PIGW: variants seen among roughly 807,000 people sequenced by gnomAD.
PIGW encodes phosphatidylinositol glycan anchor biosynthesis class W, also known as glucosaminyl-phosphatidylinositol-acyltransferase PIGW.
A neutral mutation model predicts 34.0 loss-of-function variants in PIGW; 23 were observed. The observed-to-expected ratio is 0.68, with a 90% CI of 0.49 to 0.96. The LOEUF is 0.96. Among genes scored for constraint, PIGW ranks in the 40% least tolerant of loss-of-function variants. The pLI, the probability that PIGW is intolerant of heterozygous loss-of-function variation, is 0.00. For synonymous variants in PIGW, 225 were observed against 225.2 expected, an observed-to-expected ratio of 1.00 and a Z score of 0.01; for missense variants, 574 against 586.3, an observed-to-expected ratio of 0.98 and a Z score of 0.22.
At position 36,538,206 on chromosome 17, in the gene PIGW, G is replaced by A; in HGVS notation, c.1105G>A (p.Ala369Thr). ...VNVEAVSRRM[A>T]NLAFCIWIVA... Reference sequence around the variant, plus strand: ...TGTAGAAGCAGTATCTCGAAGAATGGCAAATTTAGCCTTTTGTATTTGGAT... The same window carrying A: ...TGTAGAAGCAGTATCTCGAAGAATGACAAATTTAGCCTTTTGTATTTGGAT... Residue 369 changes from alanine to threonine, a missense_variant, in exon 2 of 2, where the codon GCA becomes ACA. Ala to Thr is a moderately conservative substitution (Grantham distance 58). Transcript: ENST00000614443. 1.2e-6 allele frequency: 2 copies of A among 1,613,092 alleles called. No homozygotes were observed. Among genetic ancestry groups the A allele is most frequent in the Non-Finnish European group, 1.7e-6 (2 of 1,180,002 alleles).
chr17:36,538,497 G>A lies in PIGW; in HGVS notation c.1396G>A (p.Val466Ile), dbSNP rs2074174413. ...NITTGLINLM[V>I]DTLHSSTLWA... Reference sequence around the variant, plus strand: ...AACAACTGGCCTGATCAACCTGATGGTAGATACATTACACAGCAGTACCTT... The same window carrying A: ...AACAACTGGCCTGATCAACCTGATGATAGATACATTACACAGCAGTACCTT... The change falls in exon 2 of 2, where the codon GTA becomes ATA. Residue 466 changes from valine to isoleucine, a missense_variant. Physicochemically the swap from Val to Ile is conservative, Grantham distance 29 (BLOSUM62 3). Coordinates refer to ENST00000614443, the MANE Select transcript of PIGW (RefSeq NM_001346754.2). 1 of 1,613,942 alleles carries A rather than the reference G, an allele frequency of 6.2e-7. No homozygotes were observed. Among genetic ancestry groups the A allele is most frequent in the Admixed American group, 1.7e-5 (1 of 60,004 alleles).
Position 36,538,203 on chromosome 17 carries a change from A to G in PIGW, c.1102A>G (p.Met368Val), listed in dbSNP as rs771651360. The change falls in exon 2 of 2, where the codon ATG becomes GTG. Residue 368 changes from methionine to valine, a missense_variant. By Grantham distance (21) the Met-to-Val change is conservative. Coordinates refer to ENST00000614443, the MANE Select transcript of PIGW (RefSeq NM_001346754.2). ...AAATGTAGAAGCAGTATCTCGAAGA[A>G]TGGCAAATTTAGCCTTTTGTATTTG... ...QVNVEAVSRR[M>V]ANLAFCIWIV... The G allele has an allele frequency of 6.2e-7, 1 of 1,613,390 alleles. No individual in the cohort carries two copies. Among genetic ancestry groups the G allele is most frequent in the Non-Finnish European group, 8.5e-7 (1 of 1,180,018 alleles).
In PIGW at chr17:36,538,259, T is replaced by C. The variant is rs1156596709; in HGVS notation, c.1158T>C (p.Ser386=). 1 of 1,613,392 alleles carries C rather than the reference T, an allele frequency of 6.2e-7. No individual in the cohort carries two copies. Among genetic ancestry groups the C allele is most frequent in the Admixed American group, 1.7e-5 (1 of 60,022 alleles). ...TTGCTTCTAGCCTGATCCTTCTTAG[T>C]AGTTTATTACTGGGTGATATAATTT... ...WIVASSLILL[S]SLLLGDIILS... The change falls in exon 2 of 2, where the codon AGT becomes AGC. Residue 386 remains serine, a synonymous_variant. Coordinates refer to ENST00000614443, the MANE Select transcript of PIGW (RefSeq NM_001346754.2).
At position 36,539,140 on chromosome 17, in the gene PIGW, T is replaced by G. The variant is rs969091163; in HGVS notation, c.*524T>G. On this transcript the variant is annotated 3_prime_UTR_variant, in exon 2 of 2. Coordinates refer to ENST00000614443, the MANE Select transcript of PIGW (RefSeq NM_001346754.2). Reference sequence around the variant, plus strand: ...TTGTTAGAATGTATTAAGTAGTATTTTAAAGAAACTTTATAGTTGTGACAT... The same window carrying G: ...TTGTTAGAATGTATTAAGTAGTATTGTAAAGAAACTTTATAGTTGTGACAT... 2.4e-5 allele frequency: 4 copies of G among 167,130 alleles called. No individual in the cohort carries two copies. Among genetic ancestry groups the G allele is most frequent in the Non-Finnish European group, 5.9e-5 (4 of 68,158 alleles). The allele number at this position is 167,130 out of a possible 1,614,324, so 10.4% of individuals were successfully genotyped here.
chr17:36,537,725 A>G lies in PIGW; in HGVS notation c.624A>G (p.Pro208=), dbSNP rs776949283. The G allele has an allele frequency of 2.5e-6, 4 of 1,614,020 alleles. No individual in the cohort carries two copies. The highest frequency in any genetic ancestry group is 2.2e-5 in the South Asian group (2 of 91,086). The change falls in exon 2 of 2, where the codon CCA becomes CCG. Residue 208 remains proline, a synonymous_variant. Coordinates refer to ENST00000614443, the MANE Select transcript of PIGW (RefSeq NM_001346754.2). ...CAAACTCATTGTACTCTGTTTGGCCATTAGTCTTCCTAGGAATCGGACGAT... is the reference window on the plus strand; with the variant it reads ...CAAACTCATTGTACTCTGTTTGGCCGTTAGTCTTCCTAGGAATCGGACGAT... ...YFTNSLYSVW[P]LVFLGIGRLA...
At chr17:36,536,981 G>A (rs761798391) in intron 1 of PIGW, 113 bp from the exon 2 acceptor site, 8 of 873,184 alleles carry the variant, frequency 9.2e-6, no homozygotes, top group Non-Finnish European at 1.0e-5. Flanking sequence ...AACTCATTAG[G>A]GCCCAAAGTT....
At position 36,537,852 on chromosome 17, in the gene PIGW, C is replaced by T. The variant is rs781674039; in HGVS notation, c.751C>T (p.Leu251=). 1.2e-6 allele frequency: 2 copies of T among 1,614,104 alleles called. No individual in the cohort carries two copies. The highest frequency in any genetic ancestry group is 2.2e-5 in the South Asian group (2 of 91,090). ...AATAGTTGTGAAATTGATAACACCACTGCTGTTGATTATTTTTCCCCTAAA... is the reference window on the plus strand; with the variant it reads ...AATAGTTGTGAAATTGATAACACCATTGCTGTTGATTATTTTTCCCCTAAA... ...TIIVVKLITP[L]LLIIFPLNKS... Residue 251 remains leucine (L), a synonymous_variant, in exon 2 of 2, where the codon CTG becomes TTG. Coordinates refer to ENST00000614443, the MANE Select transcript of PIGW (RefSeq NM_001346754.2).
rs1248763459 is a variant in PIGW at position 36,537,430 on chromosome 17, T to C, written c.329T>C (p.Leu110Pro). Reference sequence around the variant, plus strand: ...ACCTGCTATGCCAGACTGCCTTTCCTAAAAATCCTTGAAAAATTCTTGAAC... The same window carrying C: ...ACCTGCTATGCCAGACTGCCTTTCCCAAAAATCCTTGAAAAATTCTTGAAC... ...RRTCYARLPF[L>P]KILEKFLNIS... The change falls in exon 2 of 2, where the codon CTA becomes CCA. Residue 110 changes from leucine (L) to proline (P), a missense_variant. Leu to Pro is a moderately conservative substitution (Grantham distance 98). Coordinates refer to ENST00000614443, the MANE Select transcript of PIGW (RefSeq NM_001346754.2). 6.2e-7 allele frequency: 1 copy of C among 1,614,196 alleles called. No homozygotes were observed. Among genetic ancestry groups the C allele is most frequent in the Non-Finnish European group, 8.5e-7 (1 of 1,180,032 alleles).
At position 36,536,659 on chromosome 17, in the gene PIGW, C is replaced by T. The variant is rs902645622; in HGVS notation, c.-8-435C>T. Among the ~76,000 whole-genome samples, 6 of 151,596 alleles carry T rather than the reference C, an allele frequency of 4.0e-5. No individual in the cohort carries two copies. The East Asian group carries it at 7.8e-4, about 20-fold the overall frequency. On this transcript the variant is annotated intron_variant, in intron 1 of 1. Transcript: ENST00000614443. Reference sequence around the variant, plus strand: ...CCTCTAAAGTAGCTGGGATTACAGGCGGGTGCCATCACGCCTGGCTAATTT... The same window carrying T: ...CCTCTAAAGTAGCTGGGATTACAGGTGGGTGCCATCACGCCTGGCTAATTT...
Position 36,537,774 on chromosome 17 carries a change from T to C in PIGW, c.673T>C (p.Tyr225His). Reference protein sequence around the residue: ...GRLAIIKSIGYQEHLTEYGVH... With the variant: ...GRLAIIKSIGHQEHLTEYGVH... Reference sequence around the variant, plus strand: ...ATTAGCCATTATAAAATCAATAGGCTATCAGGAACATTTAACAGAGTATGG... The same window carrying C: ...ATTAGCCATTATAAAATCAATAGGCCATCAGGAACATTTAACAGAGTATGG... Residue 225 changes from tyrosine to histidine, a missense_variant, in exon 2 of 2, where the codon TAT becomes CAT. Tyr to His is a moderately conservative substitution (Grantham distance 83). Coordinates refer to ENST00000614443, the MANE Select transcript of PIGW (RefSeq NM_001346754.2). 1 of 1,614,214 alleles carries C rather than the reference T, an allele frequency of 6.2e-7. No individual in the cohort carries two copies. Among genetic ancestry groups the C allele is most frequent in the East Asian group, 2.2e-5 (1 of 44,886 alleles).
At chr17:36,536,958 C>A in intron 1 of PIGW, 136 bp from the exon 2 acceptor site, 1 of 683,458 alleles carries the variant, frequency 1.5e-6, no homozygotes, top group Non-Finnish European at 2.4e-6. Flanking sequence ...AGGGGAATCA[C>A]AAATCCTAGG....
In PIGW at chr17:36,537,515, G is replaced by T. The variant is rs766527600; in HGVS notation, c.414G>T (p.Ala138=). ...AISCFRVITS[A]FTAIAILAVD... ...CCTGTTTCCGTGTAATTACCAGTGC[G>T]TTTACTGCTATTGCTATTTTGGCTG... The change falls in exon 2 of 2, where the codon GCG becomes GCT. Residue 138 remains alanine, a synonymous_variant. Transcript: ENST00000614443. The T allele has an allele frequency of 6.2e-7, 1 of 1,614,100 alleles. No individual in the cohort carries two copies. The highest frequency in any genetic ancestry group is 8.5e-7 in the Non-Finnish European group (1 of 1,180,018).
chr17:36,536,420 A>G (rs2142601139), intron 1 of PIGW, among the ~76,000 whole-genome samples: 1 of 152,220 alleles, frequency 6.6e-6, no homozygotes, highest in South Asian at 2.1e-4. Flanking sequence ...AAGAATCTTC[A>G]TGATACGTAC....
Position 36,539,206 on chromosome 17 carries a change from C to T in PIGW, c.*590C>T, listed in dbSNP as rs1035464669. 6.0e-6 allele frequency: 1 copy of T among 166,998 alleles called. No homozygotes were observed. Among genetic ancestry groups the T allele is most frequent in the African/African-American group, 2.4e-5 (1 of 41,410 alleles). 10.3% of individuals were successfully genotyped at this position (166,998 alleles called of 1,614,324 possible). The stretch of plus-strand genomic sequence containing the variant: ...GTGGGGGGAGGAAAATTTTTACTTT[C>T]CATCTTAATGTAACCTTATGCTATT... On this transcript the variant is annotated 3_prime_UTR_variant, in exon 2 of 2. Coordinates refer to ENST00000614443, the MANE Select transcript of PIGW (RefSeq NM_001346754.2).
intron 1 of PIGW, among the ~76,000 whole-genome samples, chr17:36,536,617 C>A (rs997752770): frequency 1.5e-4 from 22 of 148,720 alleles, no homozygotes; most frequent in African/African-American, 5.4e-4. Flanking sequence ...CCGGTTCAAC[C>A]GATTCTCCTG....
In PIGW at chr17:36,535,239, G is replaced by T. The variant is rs549297537; in HGVS notation, c.-362G>T. The T allele has an allele frequency of 6.6e-6, 1 of 152,304 alleles. No homozygotes were observed. The highest frequency in any genetic ancestry group is 1.5e-5 in the Non-Finnish European group (1 of 68,126). 9.4% of individuals were successfully genotyped at this position (152,304 alleles called of 1,614,324 possible). On this transcript the variant is annotated 5_prime_UTR_variant, in exon 1 of 2. Transcript: ENST00000614443. The stretch of plus-strand genomic sequence containing the variant: ...GGCGGAGTGTTGTGCGAGGCCGGCG[G>T]ACACCATTACCCTGATAGGGCCTCG...
chr17:36,538,585 A>G lies in PIGW; in HGVS notation c.1484A>G (p.Tyr495Cys). Residue 495 changes from tyrosine to cysteine, a missense_variant, in exon 2 of 2, where the codon TAT becomes TGT. Tyr to Cys is a radical substitution (Grantham distance 194). Transcript: ENST00000614443. ...FSNCLIVYVL[Y>C]LQDKTVQFW The stretch of plus-strand genomic sequence containing the variant: ...AACTGTTTAATTGTATATGTACTAT[A>G]TTTGCAAGATAAGACTGTACAATTT... The G allele has an allele frequency of 6.2e-7, 1 of 1,612,078 alleles. No individual in the cohort carries two copies. Among genetic ancestry groups the G allele is most frequent in the East Asian group, 2.2e-5 (1 of 44,858 alleles).
Position 36,537,335 on chromosome 17 carries a change from T to A in PIGW, c.234T>A (p.Phe78Leu), listed in dbSNP as rs767714420. The A allele has an allele frequency of 3.7e-6, 6 of 1,613,952 alleles. No individual in the cohort carries two copies. The African/African-American group carries it at 8.0e-5, about 22-fold the overall frequency. Residue 78 changes from phenylalanine to leucine, a missense_variant, in exon 2 of 2, where the codon TTT becomes TTA. Coordinates refer to ENST00000614443, the MANE Select transcript of PIGW (RefSeq NM_001346754.2). ...CCACTTTGACCATTTGGGCTTCATT[T>A]ATCCTCCTTGAGCTTCTCGGTGTAA... ...MVATLTIWAS[F>L]ILLELLGVII... is the part of the protein sequence containing the mutation.
Position 36,538,069 on chromosome 17 carries a change from G to T in PIGW, c.968G>T (p.Gly323Val), listed in dbSNP as rs1242794610. 9.3e-6 allele frequency: 15 copies of T among 1,613,934 alleles called. No homozygotes were observed. The highest frequency in any genetic ancestry group is 1.3e-5 in the Non-Finnish European group (15 of 1,180,034). The change falls in exon 2 of 2, where the codon GGG becomes GTG. Residue 323 changes from glycine to valine, a missense_variant. Physicochemically the swap from Gly to Val is moderately radical, Grantham distance 109. Transcript: ENST00000614443. ...ATACACATGGCTGGTGTGCAAACAG[G>T]GTTATATATGCATAAGAACCGATCA... Reference protein sequence around the residue: ...VAIHMAGVQTGLYMHKNRSHI... With the variant: ...VAIHMAGVQTVLYMHKNRSHI...
Sources: allele counts gnomAD v4.1 joint callset (sites outside exome capture counted in the v4.1 genomes callset), GRCh38; gene constraint gnomAD v4.1.1; transcripts MANE v1.5; gene names NCBI Gene and HGNC (gene_info 2026-07-23, HGNC 2026-07-21).